Variants in ADAMTS6 observed in about 807,000 individuals in gnomAD.
ADAMTS6 encodes ADAM metallopeptidase with thrombospondin type 1 motif 6.
ADAMTS6 carries 23 observed loss-of-function variants against 144.3 expected under a neutral mutation model. The observed-to-expected ratio is 0.16, with a 90% CI of 0.11 to 0.23. The LOEUF is 0.23. Among genes scored for constraint, ADAMTS6 ranks in the 10% least tolerant of loss-of-function variants. The probability of loss-of-function intolerance (pLI) is 1.00; values close to 1 mark genes in which losing one functional copy is unlikely to be tolerated. For synonymous variants in ADAMTS6, 444 were observed against 457.5 expected, an observed-to-expected ratio of 0.97 and a Z score of 0.38; for missense variants, 999 against 1,379.6, an observed-to-expected ratio of 0.72 and a Z score of 4.37.
At chr5:65,346,996 A>G (rs1748387759) in intron 7 of ADAMTS6, among the ~76,000 whole-genome samples, 1 of 151,960 alleles carries the variant, frequency 6.6e-6, no homozygotes, top group South Asian at 2.1e-4. Context: ...AAAAAGGTGA[A>G]AGATCTGTGC....
chr5:65,324,271 C>A (rs898172068), intron 9 of ADAMTS6, among the ~76,000 whole-genome samples: 1 of 152,074 alleles, frequency 6.6e-6, no homozygotes, highest in African/African-American at 2.4e-5. Flanking sequence ...TCAACCTATA[C>A]CTCCTACTAT....
chr5:65,336,915 T>C (rs1747354944), intron 7 of ADAMTS6, among the ~76,000 whole-genome samples: 3 of 152,108 alleles, frequency 2.0e-5, no homozygotes, highest in Admixed American at 6.6e-5. Context: ...TATGTGGCTA[T>C]ATCTACCATG....
At chr5:65,289,310 T>C (rs974309230) in intron 11 of ADAMTS6, among the ~76,000 whole-genome samples, 1 of 152,116 alleles carries the variant, frequency 6.6e-6, no homozygotes, top group Non-Finnish European at 1.5e-5. Flanking sequence ...CGAGGCGGGC[T>C]GATCACTTGA....
chr5:65,272,006 A>G (rs911885066), intron 12 of ADAMTS6, among the ~76,000 whole-genome samples: 5 of 152,218 alleles, frequency 3.3e-5, no homozygotes, highest in African/African-American at 1.2e-4. Flanking sequence ...ATTTAGCATA[A>G]TTTACCAACA....
At chr5:65,209,418 T>C (rs1281001093) in intron 20 of ADAMTS6, among the ~76,000 whole-genome samples, 2 of 152,320 alleles carry the variant, frequency 1.3e-5, no homozygotes, top group East Asian at 1.9e-4. Flanking sequence ...GTTACAGCAG[T>C]ATCTCAAAAA....
chr5:65,254,210 T>C (rs11739864), intron 14 of ADAMTS6, among the ~76,000 whole-genome samples: 30,740 of 151,908 alleles, frequency 0.2, 4,357 homozygotes, highest in African/African-American at 0.4. Flanking sequence ...CCATAGGTTA[T>C]ATAATAGAAG....
intron 9 of ADAMTS6, among the ~76,000 whole-genome samples, chr5:65,302,546 A>T (rs1418343323): frequency 5.3e-5 from 8 of 151,774 alleles, no homozygotes; most frequent in African/African-American, 1.9e-4. Context: ...CAAGAACACC[A>T]ATATTTGGTA....
intron 19 of ADAMTS6, among the ~76,000 whole-genome samples, 160 bp from the exon 20 acceptor site, chr5:65,215,092 G>T (rs1160749567): frequency 6.6e-6 from 1 of 152,108 alleles, no homozygotes; most frequent in African/African-American, 2.4e-5. Context: ...CCATTTTCAT[G>T]GGTATTTTGG....
At chr5:65,330,898 T>A in intron 8 of ADAMTS6, among the ~76,000 whole-genome samples, 1 of 152,022 alleles carries the variant, frequency 6.6e-6, no homozygotes, top group East Asian at 1.9e-4. Flanking sequence ...GGATAACTTA[T>A]TTTTTTGTTT....
At chr5:65,477,107 C>T (rs190989174) in intron 1 of ADAMTS6, among the ~76,000 whole-genome samples, 1 of 152,304 alleles carries the variant, frequency 6.6e-6, no homozygotes, top group Non-Finnish European at 1.5e-5. Flanking sequence ...ATTCCATTAT[C>T]TTGGTTTCCA....
At chr5:65,369,325 C>A (rs1394534738) in intron 7 of ADAMTS6, among the ~76,000 whole-genome samples, 2 of 152,126 alleles carry the variant, frequency 1.3e-5, no homozygotes, top group African/African-American at 4.8e-5. Flanking sequence ...CTGGCTAGGG[C>A]AGAGTAGACT....
chr5:65,466,974 G>A (rs533154909), intron 3 of ADAMTS6, among the ~76,000 whole-genome samples: 2 of 151,626 alleles, frequency 1.3e-5, no homozygotes, highest in South Asian at 2.1e-4. Context: ...CCCGGGAGGC[G>A]GAGCTTGCAG....
At chr5:65,428,013 G>A (rs553336981) in intron 7 of ADAMTS6, among the ~76,000 whole-genome samples, 1 of 151,952 alleles carries the variant, frequency 6.6e-6, no homozygotes, top group Non-Finnish European at 1.5e-5. Context: ...ATCACCTGAG[G>A]TCAGGAGTTC....
intron 14 of ADAMTS6, 132 bp from the exon 15 acceptor site, chr5:65,242,338 T>C: frequency 1.8e-6 from 1 of 543,310 alleles, no homozygotes; most frequent in South Asian, 3.4e-5. Context: ...GCATTTGCTT[T>C]ACTGTTTTAC....
chr5:65,473,747 C>T lies in ADAMTS6; in HGVS notation c.-74G>A, dbSNP rs951815542. 9.7e-6 allele frequency: 11 copies of T among 1,128,966 alleles called. No homozygotes were observed. In the African/African-American group the frequency reaches 1.4e-4, roughly 14 times the overall value. 69.9% of individuals were successfully genotyped at this position (1,128,966 alleles called of 1,614,324 possible). ...AGTCAATACCATACCAAAATCGAAG[C>T]ATAACAATTTTATTTCTTTAAAACT... On this transcript the variant is annotated 5_prime_UTR_variant, in exon 2 of 25. An upstream start codon of the reference 5' UTR is lost. Transcript: ENST00000381055.
chr5:65,419,635 C>T (rs1331743407), intron 7 of ADAMTS6, among the ~76,000 whole-genome samples: 2 of 152,036 alleles, frequency 1.3e-5, no homozygotes, highest in African/African-American at 4.8e-5. Flanking sequence ...TATATCCATA[C>T]AATGGGATAT....
chr5:65,291,485 G>T lies in ADAMTS6; in HGVS notation c.1371-15C>A. 6.3e-7 allele frequency: 1 copy of T among 1,577,696 alleles called. No homozygotes were observed. Among genetic ancestry groups the T allele is most frequent in the Non-Finnish European group, 8.6e-7 (1 of 1,159,772 alleles). On this transcript the variant is annotated splice_polypyrimidine_tract_variant and intron_variant, in intron 10 of 24. Transcript: ENST00000381055. Reference sequence around the variant, plus strand: ...CACGGCCTGAACTGTTCAACATAAAGGATCAAAGGAAATTAGGTATTCTAT... The same window carrying T: ...CACGGCCTGAACTGTTCAACATAAATGATCAAAGGAAATTAGGTATTCTAT...
intron 7 of ADAMTS6, among the ~76,000 whole-genome samples, chr5:65,347,447 C>G (rs1227897276): frequency 1.3e-5 from 2 of 151,970 alleles, no homozygotes; most frequent in Non-Finnish European, 2.9e-5. Context: ...TTGATAGCCA[C>G]ATGCTGAAGA....
At chr5:65,320,751 C>G (rs1561420009) in intron 9 of ADAMTS6, among the ~76,000 whole-genome samples, 1 of 152,046 alleles carries the variant, frequency 6.6e-6, no homozygotes, top group Non-Finnish European at 1.5e-5. Context: ...CTTTATGTGT[C>G]CATATGTTCT....
Sources: gnomAD v4.1 joint callset for allele counts (sites outside exome capture counted in the v4.1 genomes callset) on GRCh38, gnomAD v4.1.1 for gene constraint, MANE v1.5 for transcripts, NCBI Gene and HGNC (gene_info 2026-07-23, HGNC 2026-07-21) for gene names.